Variants in FRMD4A observed in about 807,000 individuals in gnomAD.
FRMD4A encodes FERM domain containing 4A, also known as FERM domain-containing protein 4A.
A neutral mutation model predicts 129.1 loss-of-function variants in FRMD4A; 29 were observed. The ratio of observed to expected loss-of-function variants is 0.22; its 90% CI spans 0.17 to 0.31. The LOEUF (loss-of-function observed/expected upper bound fraction) is 0.31, where lower values mean the gene tolerates loss of function less well. FRMD4A is among the 10% of genes least tolerant of loss of function. The probability of loss-of-function intolerance (pLI) is 1.00; values close to 1 mark genes in which losing one functional copy is unlikely to be tolerated. For missense variants in FRMD4A, 1,272 were observed against 1,375.8 expected (o/e 0.92, Z 1.19); for synonymous variants, 634 against 571.6 (o/e 1.11, Z -1.56).
At chr10:13,689,079 C>T (rs1018916747) in intron 15 of FRMD4A, among the ~76,000 whole-genome samples, 2 of 151,606 alleles carry the variant, frequency 1.3e-5, no homozygotes, top group Non-Finnish European at 2.9e-5. Context: ...TACTAGACTT[C>T]AGTAGTTTTA....
chr10:13,859,285 G>A (rs1327415138), intron 2 of FRMD4A, among the ~76,000 whole-genome samples: 1 of 152,184 alleles, frequency 6.6e-6, no homozygotes, highest in African/African-American at 2.4e-5. Flanking sequence ...TTGGGAGGCT[G>A]AGGCAGGAGA....
chr10:13,690,495 C>T (rs746936933), intron 15 of FRMD4A, among the ~76,000 whole-genome samples: 1 of 152,194 alleles, frequency 6.6e-6, no homozygotes, highest in African/African-American at 2.4e-5. Context: ...TGCAGTGCGT[C>T]CCCCCACTGT....
intron 2 of FRMD4A, among the ~76,000 whole-genome samples, chr10:14,062,510 G>A (rs1279146606): frequency 6.6e-6 from 1 of 152,158 alleles, no homozygotes; most frequent in African/African-American, 2.4e-5. Context: ...TACTAATGGT[G>A]AAACCGACTC....
chr10:13,830,083 A>G (rs974039702), intron 3 of FRMD4A, among the ~76,000 whole-genome samples: 2 of 152,104 alleles, frequency 1.3e-5, no homozygotes, highest in Admixed American at 6.5e-5. Flanking sequence ...TTAGCCTTAC[A>G]TGTTCTCTCT....
chr10:13,911,973 C>A (rs113044584), intron 2 of FRMD4A, among the ~76,000 whole-genome samples: 1 of 152,144 alleles, frequency 6.6e-6, no homozygotes. Flanking sequence ...TACTGAAGCA[C>A]CCAAACAGAG....
intron 4 of FRMD4A, among the ~76,000 whole-genome samples, chr10:13,798,561 C>T (rs183379596): frequency 1.3e-4 from 20 of 152,102 alleles, no homozygotes; most frequent in Admixed American, 1.0e-3. Flanking sequence ...CTAAAAAATA[C>T]GAAAAATTAG....
At position 13,697,315 on chromosome 10, in the gene FRMD4A, C is replaced by T. The variant is rs1231572314; in HGVS notation, c.976-3276G>A. 2.6e-5 allele frequency among the ~76,000 whole-genome samples: 4 copies of T among 152,130 alleles called. No homozygotes were observed. The South Asian group carries it at 8.3e-4, about 32-fold the overall frequency. On this transcript the variant is annotated intron_variant, in intron 14 of 24. Transcript: ENST00000357447. ...GGGACCACACATGTGGTCCACCACGCCTGGCTATTTTTAGTAGATACGGGG... is the reference window on the plus strand; with the variant it reads ...GGGACCACACATGTGGTCCACCACGTCTGGCTATTTTTAGTAGATACGGGG...
At chr10:14,002,595 T>C (rs903327946) in intron 2 of FRMD4A, among the ~76,000 whole-genome samples, 21 of 152,226 alleles carry the variant, frequency 1.4e-4, no homozygotes, top group Admixed American at 1.2e-3. Context: ...ACTCCTGTTA[T>C]GAACCAGGAA....
chr10:14,231,515 G>A (rs1236544293), intron 2 of FRMD4A, among the ~76,000 whole-genome samples: 1 of 152,058 alleles, frequency 6.6e-6, no homozygotes, highest in African/African-American at 2.4e-5. Flanking sequence ...GCTAATTTTT[G>A]TTGTGTGTTT....
chr10:14,245,355 C>A (rs1844195520), intron 2 of FRMD4A, among the ~76,000 whole-genome samples: 1 of 152,086 alleles, frequency 6.6e-6, no homozygotes, highest in Admixed American at 6.6e-5. Flanking sequence ...GTGCAAAATG[C>A]GGATGACCAA....
intron 2 of FRMD4A, among the ~76,000 whole-genome samples, chr10:14,017,930 A>G (rs1462773403): frequency 6.6e-6 from 1 of 152,192 alleles, no homozygotes; most frequent in Non-Finnish European, 1.5e-5. Context: ...AAATCAAAAC[A>G]CCAAAGTGCA....
chr10:13,809,519 T>TAA (rs35006642), intron 4 of FRMD4A, among the ~76,000 whole-genome samples: 2 of 151,944 alleles, frequency 1.3e-5, no homozygotes, highest in Non-Finnish European at 2.9e-5. Flanking sequence ...TAAAAGCTTT[T>TAA]AAAAAAATTG....
chr10:14,125,471 C>T (rs1348370012), intron 2 of FRMD4A, among the ~76,000 whole-genome samples: 1 of 152,078 alleles, frequency 6.6e-6, no homozygotes, highest in South Asian at 2.1e-4. Context: ...TTGCAAAGGT[C>T]CAATACCCTT....
chr10:14,169,379 G>T (rs576820197), intron 2 of FRMD4A, among the ~76,000 whole-genome samples: 1 of 152,192 alleles, frequency 6.6e-6, no homozygotes, highest in Admixed American at 6.5e-5. Flanking sequence ...GCTGTGACAC[G>T]CATAGCATTC....
At chr10:13,870,865 C>G (rs2094431447) in intron 2 of FRMD4A, 1 of 152,262 alleles carries the variant, frequency 6.6e-6, no homozygotes, top group East Asian at 1.9e-4. Context: ...AGTTCTATAA[C>G]AATAGAACTC....
At chr10:13,954,476 T>C (rs1399467222) in intron 2 of FRMD4A, among the ~76,000 whole-genome samples, 1 of 152,116 alleles carries the variant, frequency 6.6e-6, no homozygotes, top group Non-Finnish European at 1.5e-5. Context: ...GCCCCCATGA[T>C]TCAATAACCT....
intron 2 of FRMD4A, among the ~76,000 whole-genome samples, chr10:13,862,907 A>G (rs995761503): frequency 4.0e-5 from 6 of 151,652 alleles, no homozygotes; most frequent in Non-Finnish European, 8.8e-5. Context: ...ATTGTGAAAT[A>G]ATACTGCTTT....
chr10:13,901,654 C>G (rs2131195015), intron 2 of FRMD4A, among the ~76,000 whole-genome samples: 1 of 151,804 alleles, frequency 6.6e-6, no homozygotes, highest in Admixed American at 6.6e-5. Context: ...GCAAATATTC[C>G]TTTTCCTATT....
chr10:14,030,180 C>T (rs1285698455), intron 2 of FRMD4A, among the ~76,000 whole-genome samples: 2 of 152,150 alleles, frequency 1.3e-5, no homozygotes, highest in African/African-American at 4.8e-5. Flanking sequence ...GCACCCAATG[C>T]ACAGCGATGT....
Sources: gnomAD v4.1 joint callset for allele counts (sites outside exome capture counted in the v4.1 genomes callset) on GRCh38, gnomAD v4.1.1 for gene constraint, MANE v1.5 for transcripts, NCBI Gene and HGNC (gene_info 2026-07-23, HGNC 2026-07-21) for gene names.